NKD1: variants seen among roughly 807,000 people sequenced by gnomAD.
The protein encoded by NKD1 is NKD inhibitor of Wnt signaling pathway 1, also known as protein naked cuticle homolog 1.
NKD1 carries 21 observed loss-of-function variants against 56.0 expected under a neutral mutation model. That is an observed-to-expected ratio of 0.38 (90% CI 0.27 to 0.54). The LOEUF (loss-of-function observed/expected upper bound fraction) is 0.54. Among genes scored for constraint, NKD1 ranks in the 20% least tolerant of loss-of-function variants. NKD1 has a pLI of 0.82. For missense variants in NKD1, 578 were observed against 642.7 expected (o/e 0.90, Z 1.09); for synonymous variants, 263 against 265.7 (o/e 0.99, Z 0.10).
chr16:50,616,425 G>T (rs1436127381), intron 4 of NKD1, among the ~76,000 whole-genome samples: 1 of 152,156 alleles, frequency 6.6e-6, no homozygotes, highest in East Asian at 1.9e-4. Flanking sequence ...CCCAGGTTTG[G>T]ATTTTTATGT....
At position 50,633,528 on chromosome 16, in the gene NKD1, G is replaced by A. The variant is rs1390271298; in HGVS notation, c.1160G>A (p.Ser387Asn). Reference protein sequence around the residue: ...AVSPSAHLAASPALLPSLAPL... With the variant: ...AVSPSAHLAANPALLPSLAPL... ...TCCCCCTCCGCCCACCTGGCTGCCAGCCCGGCCCTCCTCCCCTCCCTAGCC... is the reference window on the plus strand; with the variant it reads ...TCCCCCTCCGCCCACCTGGCTGCCAACCCGGCCCTCCTCCCCTCCCTAGCC... The change falls in exon 10 of 10, where the codon AGC becomes AAC. Residue 387 changes from serine to asparagine, a missense_variant. Transcript: ENST00000268459. This position sits in a 1 kb window ranked among gnomAD's most constrained non-coding sequence, Gnocchi z 4.9. The A allele has an allele frequency of 2.5e-6, 4 of 1,610,708 alleles. No homozygotes were observed. The highest frequency in any genetic ancestry group is 3.4e-6 in the Non-Finnish European group (4 of 1,178,938).
rs116783087 is a variant in NKD1 at position 50,616,244 on chromosome 16, A to T, written c.260-5358A>T. On this transcript the variant is annotated intron_variant, in intron 4 of 9. Coordinates refer to ENST00000268459, the MANE Select transcript of NKD1 (RefSeq NM_033119.5). ...TTCACTGAGAAGAACTTGCCAGGTAACTAGGCTAAGAGAGGGGTCTGCCAT... is the reference window on the plus strand; with the variant it reads ...TTCACTGAGAAGAACTTGCCAGGTATCTAGGCTAAGAGAGGGGTCTGCCAT... 594 of 346,556 alleles carry T rather than the reference A, an allele frequency of 1.7e-3. 7 individuals carry two copies. The highest frequency in any genetic ancestry group is 0.011 in the African/African-American group (542 of 47,560). 21.5% of individuals were successfully genotyped at this position (346,556 alleles called of 1,614,324 possible).
intron 3 of NKD1, among the ~76,000 whole-genome samples, chr16:50,597,225 G>A (rs1195441085): frequency 6.6e-6 from 1 of 152,024 alleles, no homozygotes; most frequent in African/African-American, 2.4e-5. Flanking sequence ...CAGGATGTGC[G>A]GAAGCCTCTG....
At chr16:50,625,095 A>G in intron 5 of NKD1, 1 of 265,450 alleles carries the variant, frequency 3.8e-6, no homozygotes, top group Non-Finnish European at 7.4e-6. Context: ...CCTCATGCTC[A>G]TGCTGTCCTA....
Position 50,633,726 on chromosome 16 carries a change from A to C in NKD1, c.1358A>C (p.Glu453Ala). 2 of 1,571,164 alleles carry C rather than the reference A, an allele frequency of 1.3e-6. No individual in the cohort carries two copies. Among genetic ancestry groups the C allele is most frequent in the Non-Finnish European group, 1.7e-6 (2 of 1,157,392 alleles). Residue 453 changes from glutamate (E) to alanine (A), a missense_variant, in exon 10 of 10, where the codon GAG (glutamate) becomes GCG (alanine). Physicochemically the swap from Glu to Ala is moderately radical, Grantham distance 107. Coordinates refer to ENST00000268459, the MANE Select transcript of NKD1 (RefSeq NM_033119.5). The surrounding 1 kb of genome is among the most constrained non-coding windows in gnomAD (Gnocchi z 4.9). ...SQAGQPVQRH[E>A]HHHHHEHHHH... Reference sequence around the variant, plus strand: ...GCCGGGCAGCCGGTCCAGAGACATGAGCACCACCACCACCATGAACATCAC... The same window carrying C: ...GCCGGGCAGCCGGTCCAGAGACATGCGCACCACCACCACCATGAACATCAC...
At chr16:50,614,913 C>T (rs973800721) in intron 4 of NKD1, among the ~76,000 whole-genome samples, 1 of 152,178 alleles carries the variant, frequency 6.6e-6, no homozygotes, top group Non-Finnish European at 1.5e-5. Flanking sequence ...TGAGAGGGCC[C>T]AGAAGCCTAG....
At chr16:50,608,410 G>T in intron 4 of NKD1, 50 bp downstream of exon 4, 1 of 1,374,920 alleles carries the variant, frequency 7.3e-7, no homozygotes. Context: ...TGGGGGAAGC[G>T]GGTGTTCAGC....
intron 5 of NKD1, among the ~76,000 whole-genome samples, chr16:50,622,981 G>T (rs1308998933): frequency 1.3e-5 from 2 of 152,092 alleles, no homozygotes; most frequent in African/African-American, 4.8e-5. Flanking sequence ...AGGGAACAGC[G>T]GCTGTGGATA....
chr16:50,614,184 GTGGTTTTTCC>G (rs1201290337), intron 4 of NKD1, among the ~76,000 whole-genome samples: 2 of 152,196 alleles, frequency 1.3e-5, no homozygotes, highest in African/African-American at 2.4e-5. Context: ...GCTGGTGCTG[GTGGTTTTTCC>G]TAAAAAGCAG....
At chr16:50,574,041 C>T in intron 3 of NKD1, 1 of 885,566 alleles carries the variant, frequency 1.1e-6, no homozygotes, top group Non-Finnish European at 1.3e-6. Flanking sequence ...CTTTTCAGTA[C>T]TTTTTGAAAT....
rs373392827 is a variant in NKD1 at position 50,630,837 on chromosome 16, G to T, written c.622G>T (p.Ala208Ser). ...CGGGCCGGACTCAGACCTGCAGAGC[G>T]CAAGGCCCCGAGCAGAGACCAAGCC... ...VLVNQADLQS[A>S]RPRAETKPTE... Residue 208 changes from alanine (A) to serine (S), a missense_variant, in exon 8 of 10, where the codon GCA (alanine) becomes TCA (serine). By Grantham distance (99) the Ala-to-Ser change is moderately conservative. Transcript: ENST00000268459. 11 of 1,601,886 alleles carry T rather than the reference G, an allele frequency of 6.9e-6. No individual in the cohort carries two copies. Among genetic ancestry groups the T allele is most frequent in the Middle Eastern group, 1.7e-4 (1 of 6,044 alleles).
At chr16:50,584,255 G>A (rs973096823) in intron 3 of NKD1, among the ~76,000 whole-genome samples, 1 of 152,206 alleles carries the variant, frequency 6.6e-6, no homozygotes, top group African/African-American at 2.4e-5. Flanking sequence ...CAGGGACAGG[G>A]TCTGAGAGAG....
chr16:50,559,183 C>A (rs1226721208), intron 3 of NKD1, among the ~76,000 whole-genome samples: 1 of 152,128 alleles, frequency 6.6e-6, no homozygotes, highest in African/African-American at 2.4e-5. Context: ...GAAATGGGTT[C>A]ATTTCAGCAA....
At chr16:50,575,684 A>G (rs1157938429) in intron 3 of NKD1, among the ~76,000 whole-genome samples, 1 of 152,230 alleles carries the variant, frequency 6.6e-6, no homozygotes, top group Non-Finnish European at 1.5e-5. Context: ...TTAGCAGCAT[A>G]AAAATATTTA....
At position 50,632,314 on chromosome 16, in the gene NKD1, C is replaced by T. The variant is rs1455149159; in HGVS notation, c.729C>T (p.Gly243=). ...FQGDSRLEQS[G]CYHHCVDENI... ...GTGACAGCCGCCTGGAGCAGTCTGG[C>T]TGCTACCACCATTGCGTAGATGAGA... Residue 243 remains glycine (G), a synonymous_variant, in exon 9 of 10, where the codon GGC becomes GGT. Coordinates refer to ENST00000268459, the MANE Select transcript of NKD1 (RefSeq NM_033119.5). This position sits in a 1 kb window ranked among gnomAD's most constrained non-coding sequence, Gnocchi z 4.1. 1.2e-6 allele frequency: 2 copies of T among 1,614,130 alleles called. No individual in the cohort carries two copies. Among genetic ancestry groups the T allele is most frequent in the Admixed American group, 1.7e-5 (1 of 60,022 alleles).
At chr16:50,597,616 T>G (rs1957656462) in intron 3 of NKD1, among the ~76,000 whole-genome samples, 1 of 152,178 alleles carries the variant, frequency 6.6e-6, no homozygotes, top group African/African-American at 2.4e-5. Context: ...TTTTTGTTTA[T>G]CAACAGCACA....
intron 2 of NKD1, chr16:50,548,982 C>G: frequency 1.0e-6 from 1 of 956,630 alleles, no homozygotes; most frequent in Non-Finnish European, 1.2e-6. Context: ...CTCCCCCTCC[C>G]GCGTCCCTGC....
At chr16:50,614,156 GTGAAT>G (rs775664999) in intron 4 of NKD1, among the ~76,000 whole-genome samples, 28 of 152,212 alleles carry the variant, frequency 1.8e-4, no homozygotes, top group Non-Finnish European at 3.2e-4. Flanking sequence ...CCCTGGGTGA[GTGAAT>G]TACTGCTGTG....
intron 3 of NKD1, among the ~76,000 whole-genome samples, chr16:50,575,570 C>T (rs1960976688): frequency 6.6e-6 from 1 of 152,146 alleles, no homozygotes; most frequent in Non-Finnish European, 1.5e-5. Context: ...CTCAGGAGCT[C>T]GAACACTGAG....
Sources: gnomAD v4.1 joint callset for allele counts (sites outside exome capture counted in the v4.1 genomes callset) on GRCh38, gnomAD v4.1.1 for gene constraint, Gnocchi (gnomAD v3.1) non-coding constraint, MANE v1.5 for transcripts, NCBI Gene and HGNC (gene_info 2026-07-23, HGNC 2026-07-21) for gene names.